Variants in KANSL3 observed in about 807,000 individuals in gnomAD.
KANSL3 encodes the protein KAT8 regulatory NSL complex subunit 3, also known as NSL complex protein NSL3.
In KANSL3, 16 loss-of-function variants were observed where a neutral mutation model predicts 89.2. That is an observed-to-expected ratio of 0.18 (90% CI 0.12 to 0.27). The LOEUF (loss-of-function observed/expected upper bound fraction) is 0.27. Among genes scored for constraint, KANSL3 ranks in the 10% least tolerant of loss-of-function variants. The pLI is 1.00. For synonymous variants in KANSL3, 385 were observed against 419.7 expected (o/e 0.92, Z 1.01); for missense variants, 879 against 1,110.6 (o/e 0.79, Z 2.96).
chr2:96,628,162 T>C (rs1433664781), intron 3 of KANSL3: 1 of 1,288,200 alleles, frequency 7.8e-7, no homozygotes, highest in Non-Finnish European at 1.0e-6. Context: ...CACACTGGCC[T>C]ATTCCGTGGA....
intron 3 of KANSL3, among the ~76,000 whole-genome samples, chr2:96,624,666 T>G (rs2071967247): frequency 6.6e-6 from 1 of 152,060 alleles, no homozygotes; most frequent in Admixed American, 6.6e-5. Flanking sequence ...GGACTACAGG[T>G]GCCCGCCACC....
At chr2:96,622,399 G>A (rs1277270213) in intron 3 of KANSL3, among the ~76,000 whole-genome samples, 1 of 146,860 alleles carries the variant, frequency 6.8e-6, no homozygotes, top group Non-Finnish European at 1.5e-5. Flanking sequence ...GACAGAACAA[G>A]ACCTCGTCTC....
intron 3 of KANSL3, among the ~76,000 whole-genome samples, chr2:96,625,546 C>T (rs545301719): frequency 6.6e-6 from 1 of 152,252 alleles, no homozygotes; most frequent in Non-Finnish European, 1.5e-5. Context: ...TTTTCTTACT[C>T]TGTATTAATT....
At chr2:96,619,803 G>T (rs546678245) in intron 3 of KANSL3, 41 bp from the exon 4 acceptor site, 7 of 1,460,508 alleles carry the variant, frequency 4.8e-6, no homozygotes, top group Non-Finnish European at 6.6e-6. Flanking sequence ...AAACCCTGGG[G>T]ACGCTCCCCA....
At chr2:96,635,227 C>A (rs1427528296) in intron 2 of KANSL3, among the ~76,000 whole-genome samples, 1 of 152,188 alleles carries the variant, frequency 6.6e-6, no homozygotes, top group Admixed American at 6.5e-5. Context: ...TGACTTCTTA[C>A]CACTCTTAGA....
rs2066444376 is a variant in KANSL3 at position 96,595,369 on chromosome 2, C to T, written c.*242G>A. 4 of 515,934 alleles carry T rather than the reference C, an allele frequency of 7.8e-6. No individual in the cohort carries two copies. Among genetic ancestry groups the T allele is most frequent in the Non-Finnish European group, 1.4e-5 (4 of 286,206 alleles). The allele number at this position is 515,934 out of a possible 1,614,324, so 32.0% of individuals were successfully genotyped here. A position where few individuals can be genotyped will look rare whatever the true frequency, so the allele number is the denominator to read the frequency against. On this transcript the variant is annotated 3_prime_UTR_variant, in exon 21 of 21. Transcript: ENST00000431828. ...TCTGATCCATGTACAGCCAGATCTG[C>T]TGAGGAGTCTGGGGTTCCCAGGAAC...
At chr2:96,620,733 T>C (rs1041827748) in intron 3 of KANSL3, among the ~76,000 whole-genome samples, 7 of 152,206 alleles carry the variant, frequency 4.6e-5, no homozygotes, top group African/African-American at 1.7e-4. Context: ...CCAGGCGCAG[T>C]GCTTCACGCC....
At position 96,593,453 on chromosome 2, in the gene KANSL3, C is replaced by T. The variant is rs1051371477; in HGVS notation, c.*2158G>A. The T allele has an allele frequency of 5.2e-6, 2 of 381,314 alleles. No individual in the cohort carries two copies. The highest frequency in any genetic ancestry group is 5.2e-6 in the Non-Finnish European group (1 of 192,354). 23.6% of individuals were successfully genotyped at this position (381,314 alleles called of 1,614,324 possible). A position where few individuals can be genotyped will look rare whatever the true frequency, so the allele number is the denominator to read the frequency against. On this transcript the variant is annotated 3_prime_UTR_variant, in exon 21 of 21. Transcript: ENST00000431828. ...CAGGTCTTCTATGAAATAGGTAAAG[C>T]TTCCTTTCGCGTTCCAAGAAATATA...
intron 3 of KANSL3, chr2:96,628,113 T>A (rs1262949922): frequency 7.8e-6 from 10 of 1,289,974 alleles, no homozygotes; most frequent in African/African-American, 1.5e-5. Flanking sequence ...AAGACAAGAA[T>A]CTGTCAGTGT....
Position 96,602,871 on chromosome 2 carries a change from G to A in KANSL3, c.2150-9C>T. Reference sequence around the variant, plus strand: ...GCTGGCTGATGTGGCCCCTAAGAGAGGACATAGCAGGAATCAGTAGAGACT... The same window carrying A: ...GCTGGCTGATGTGGCCCCTAAGAGAAGACATAGCAGGAATCAGTAGAGACT... On this transcript the variant is annotated splice_polypyrimidine_tract_variant and intron_variant, in intron 17 of 20. Transcript: ENST00000431828. 1 of 1,612,520 alleles carries A rather than the reference G, an allele frequency of 6.2e-7. No individual in the cohort carries two copies. The highest frequency in any genetic ancestry group is 8.5e-7 in the Non-Finnish European group (1 of 1,178,742).
chr2:96,591,427 A>G (rs1173344375), downstream of KANSL3, among the ~76,000 whole-genome samples: 1 of 152,212 alleles, frequency 6.6e-6, no homozygotes, highest in East Asian at 1.9e-4. Flanking sequence ...TTACAGCGAT[A>G]AAATGACATA....
intron 5 of KANSL3, among the ~76,000 whole-genome samples, chr2:96,617,178 G>A (rs773150643): frequency 3.9e-5 from 6 of 152,150 alleles, no homozygotes; most frequent in Non-Finnish European, 8.8e-5. Context: ...TTCTACTACA[G>A]GGGAGCAGTA....
intron 3 of KANSL3, chr2:96,627,775 C>T: frequency 6.2e-6 from 3 of 485,914 alleles, no homozygotes; most frequent in Non-Finnish European, 1.0e-5. Context: ...AGAATGGCAA[C>T]ACGATGATTA....
At chr2:96,617,296 A>C (rs1484291108) in intron 5 of KANSL3, among the ~76,000 whole-genome samples, 1 of 152,206 alleles carries the variant, frequency 6.6e-6, no homozygotes, top group Non-Finnish European at 1.5e-5. Context: ...TACCTGACAC[A>C]CGTAGGGCCC....
chr2:96,610,545 G>A (rs908479472), intron 11 of KANSL3, 181 bp downstream of exon 11: 2 of 548,524 alleles, frequency 3.6e-6, no homozygotes, highest in Non-Finnish European at 6.5e-6. Context: ...TCAATCTCCT[G>A]ACCTCGTGAT....
rs1216678193 is a variant in KANSL3 at position 96,594,182 on chromosome 2, G to A, written c.*1429C>T. The A allele has an allele frequency of 6.6e-6, 1 of 152,224 alleles. No homozygotes were observed. Among genetic ancestry groups the A allele is most frequent in the Non-Finnish European group, 1.5e-5 (1 of 68,058 alleles). 9.4% of individuals were successfully genotyped at this position (152,224 alleles called of 1,614,324 possible). A position where few individuals can be genotyped will look rare whatever the true frequency, so the allele number is the denominator to read the frequency against. ...AGGTGACCTGGTATAGATACACACT[G>A]TACTGTGGGCCAGAACCATGGACTA... On this transcript the variant is annotated 3_prime_UTR_variant, in exon 21 of 21. Coordinates refer to ENST00000431828, the MANE Select transcript of KANSL3 (RefSeq NM_001115016.3).
intron 18 of KANSL3, 59 bp downstream of exon 18, chr2:96,602,694 C>A: frequency 7.1e-7 from 1 of 1,407,800 alleles, no homozygotes. Context: ...CCAAAACCAA[C>A]TAAGCTGAGG....
intron 5 of KANSL3, among the ~76,000 whole-genome samples, chr2:96,617,891 C>T (rs1339882993): frequency 6.7e-6 from 1 of 149,964 alleles, no homozygotes; most frequent in African/African-American, 2.5e-5. Context: ...GAGGCTGAGG[C>T]AGAATTGCTT....
intron 2 of KANSL3, among the ~76,000 whole-genome samples, chr2:96,635,713 G>A (rs761378171): frequency 2.6e-5 from 4 of 152,180 alleles, no homozygotes; most frequent in Non-Finnish European, 5.9e-5. Flanking sequence ...AGTGGGTCAG[G>A]AGCGGTGGCT....
Sources: allele counts gnomAD v4.1 joint callset (sites outside exome capture counted in the v4.1 genomes callset), GRCh38; gene constraint gnomAD v4.1.1; transcripts MANE v1.5; gene names NCBI Gene and HGNC (gene_info 2026-07-23, HGNC 2026-07-21).